Variants in FAM120B observed in about 807,000 individuals in gnomAD.
The protein encoded by FAM120B is constitutive coactivator of peroxisome proliferator-activated receptor gamma.
FAM120B carries 83 observed loss-of-function variants against 96.3 expected under a neutral mutation model. That is an observed-to-expected ratio of 0.86 (90% CI 0.72 to 1.03). The LOEUF (loss-of-function observed/expected upper bound fraction) is 1.03. FAM120B is among the 50% of genes least tolerant of loss of function. The probability of loss-of-function intolerance (pLI) is 0.00; values close to 1 mark genes in which losing one functional copy is unlikely to be tolerated. For synonymous variants in FAM120B, 407 were observed against 402.7 expected (o/e 1.01, Z -0.13); for missense variants, 1,027 against 1,121.2 (o/e 0.92, Z 1.20).
intron 1 of FAM120B, among the ~76,000 whole-genome samples, chr6:170,316,450 G>A (rs1562517916): frequency 3.9e-5 from 6 of 152,336 alleles, no homozygotes; most frequent in Middle Eastern, 3.4e-3. Context: ...ATGTCAGCAC[G>A]GAGTTTTTCT....
At chr6:170,320,356 T>C (rs1785206009) in intron 2 of FAM120B, among the ~76,000 whole-genome samples, 1 of 152,152 alleles carries the variant, frequency 6.6e-6, no homozygotes, top group Non-Finnish European at 1.5e-5. Context: ...TATATCGATA[T>C]GATCAGATTT....
intron 6 of FAM120B, among the ~76,000 whole-genome samples, chr6:170,368,294 G>A (rs1788930136): frequency 6.6e-6 from 1 of 152,198 alleles, no homozygotes; most frequent in African/African-American, 2.4e-5. Context: ...TTTACTTCCT[G>A]TCTTCTCACC....
chr6:170,398,360 A>G (rs1250819921), intron 9 of FAM120B, among the ~76,000 whole-genome samples: 1 of 152,258 alleles, frequency 6.6e-6, no homozygotes, highest in African/African-American at 2.4e-5. Flanking sequence ...TGAGTGGGAA[A>G]GGTAGAACTA....
chr6:170,336,377 T>C (rs983638608), intron 4 of FAM120B, among the ~76,000 whole-genome samples: 5 of 151,660 alleles, frequency 3.3e-5, no homozygotes, highest in African/African-American at 1.2e-4. Flanking sequence ...GTGTTATTTC[T>C]GAGGCCTTTG....
chr6:170,302,339 T>C (rs1784157797), upstream of FAM120B, among the ~76,000 whole-genome samples: 1 of 152,170 alleles, frequency 6.6e-6, no homozygotes, highest in South Asian at 2.1e-4. Context: ...ACCGCCCCCA[T>C]GATTCAATTA....
At chr6:170,341,855 G>A (rs1453507152) in intron 4 of FAM120B, among the ~76,000 whole-genome samples, 1 of 152,184 alleles carries the variant, frequency 6.6e-6, no homozygotes, top group Admixed American at 6.5e-5. Context: ...ACCTCAGTTG[G>A]AAATGCAGAA....
intron 4 of FAM120B, among the ~76,000 whole-genome samples, chr6:170,336,655 T>C (rs1263086561): frequency 4.6e-5 from 7 of 152,356 alleles, no homozygotes; most frequent in South Asian, 4.1e-4. Context: ...TAATTCTTCC[T>C]ATCCATGAGC....
chr6:170,395,816 C>A (rs1790696023), intron 9 of FAM120B, among the ~76,000 whole-genome samples: 1 of 152,192 alleles, frequency 6.6e-6, no homozygotes, highest in South Asian at 2.1e-4. Context: ...TCTATCAGTT[C>A]ATTCTGCTCA....
intron 9 of FAM120B, among the ~76,000 whole-genome samples, chr6:170,396,771 T>G (rs952151847): frequency 2.6e-5 from 4 of 152,212 alleles, no homozygotes; most frequent in African/African-American, 9.6e-5. Flanking sequence ...GACCTTCCAT[T>G]TGTGCAAGGA....
chr6:170,358,096 G>A (rs1156501814), intron 5 of FAM120B, 130 bp from the exon 6 acceptor site: 7 of 716,156 alleles, frequency 9.8e-6, no homozygotes, highest in Non-Finnish European at 2.4e-6. Context: ...GCCTGTGCGT[G>A]TGCCTGTACG....
chr6:170,315,784 T>G (rs1415093857), intron 1 of FAM120B, among the ~76,000 whole-genome samples: 1 of 152,100 alleles, frequency 6.6e-6, no homozygotes, highest in Non-Finnish European at 1.5e-5. Context: ...TAGAGCCCAT[T>G]AAAAATCAGT....
At chr6:170,332,742 C>T (rs1016279337) in intron 4 of FAM120B, among the ~76,000 whole-genome samples, 4 of 152,120 alleles carry the variant, frequency 2.6e-5, no homozygotes, top group Non-Finnish European at 5.9e-5. Flanking sequence ...TTCCTGTCCA[C>T]CTGTCAGGAA....
In FAM120B at chr6:170,307,360, G is replaced by T. The variant is rs116014005; in HGVS notation, c.-22+518G>T. 4.7e-3 allele frequency among the ~76,000 whole-genome samples: 717 copies of T among 152,282 alleles called. 8 individuals are homozygous for T. The highest frequency in any genetic ancestry group is 0.016 in the African/African-American group (684 of 41,542). On this transcript the variant is annotated intron_variant, in intron 1 of 10. Transcript: ENST00000476287. ...GGGGGAAAGACAGACAGAAAGACAG[G>T]GTTCCCTGCCAGCAAGGAGTTTGCA...
chr6:170,304,841 A>G (rs1784223458), upstream of FAM120B, among the ~76,000 whole-genome samples: 2 of 152,124 alleles, frequency 1.3e-5, no homozygotes, highest in Admixed American at 1.3e-4. Context: ...TGCTCCTTGA[A>G]GCTTTTTCAT....
At chr6:170,360,035 A>G (rs1193011622) in intron 6 of FAM120B, among the ~76,000 whole-genome samples, 4 of 152,116 alleles carry the variant, frequency 2.6e-5, no homozygotes, top group African/African-American at 9.7e-5. Context: ...TTTCCATTAT[A>G]GTCTGGGGGC....
At chr6:170,391,840 C>T (rs1790495878) in intron 8 of FAM120B, among the ~76,000 whole-genome samples, 1 of 152,162 alleles carries the variant, frequency 6.6e-6, no homozygotes, top group Non-Finnish European at 1.5e-5. Flanking sequence ...CGAGCTTCTG[C>T]CAAGGTTTTC....
rs2115212123 is a variant in FAM120B, at chr6:170,363,211, C to CTGGT, written c.2283+4894_2283+4897dup. On this transcript the variant is annotated intron_variant, in intron 6 of 10. Transcript: ENST00000476287. This position sits in a 1 kb window ranked among gnomAD's most constrained non-coding sequence, Gnocchi z 4.5. ...TCTTACACACTGAGAACTCCATGAG[C>CTGGT]TGGTACCTTAGCCACTTTTTCTAGT... Among the ~76,000 whole-genome samples the CTGGT allele has an allele frequency of 6.6e-6, 1 of 152,282 alleles. No homozygotes were observed. Among genetic ancestry groups the CTGGT allele is most frequent in the Admixed American group, 6.5e-5 (1 of 15,300 alleles).
At position 170,406,973 on chromosome 6, in the gene FAM120B, C is replaced by T. The variant is rs547970221; in HGVS notation, c.*2222C>T. 1.3e-5 allele frequency: 2 copies of T among 152,140 alleles called. No individual in the cohort carries two copies. The highest frequency in any genetic ancestry group is 2.1e-4 in the South Asian group (1 of 4,820). The allele number at this position is 152,140 out of a possible 1,614,324, so 9.4% of individuals were successfully genotyped here. On this transcript the variant is annotated 3_prime_UTR_variant, in exon 11 of 11. Coordinates refer to ENST00000476287, the MANE Select transcript of FAM120B (RefSeq NM_032448.3). ...CCAGAGAGCTGAATTTTTTGTCATT[C>T]TAAGTTGTAAGTAACACTGCAGTCA...
At chr6:170,378,063 T>C (rs1789674016) in intron 6 of FAM120B, among the ~76,000 whole-genome samples, 1 of 152,232 alleles carries the variant, frequency 6.6e-6, no homozygotes. Flanking sequence ...TTAATGTTTG[T>C]TTCTTGGTTT....
Sources: gnomAD v4.1 joint callset for allele counts (sites outside exome capture counted in the v4.1 genomes callset) on GRCh38, gnomAD v4.1.1 for gene constraint, Gnocchi (gnomAD v3.1) non-coding constraint, MANE v1.5 for transcripts, NCBI Gene and HGNC (gene_info 2026-07-23, HGNC 2026-07-21) for gene names.